The following GUCY1A2 variants were observed in gnomAD, a reference collection of about 807,000 sequenced individuals.
GUCY1A2 encodes guanylate cyclase soluble subunit alpha-2.
In GUCY1A2, 27 loss-of-function variants were observed where a neutral mutation model predicts 63.5. The observed-to-expected ratio is 0.43, with a 90% CI of 0.31 to 0.59. The LOEUF is 0.59. Among genes scored for constraint, GUCY1A2 ranks in the 20% least tolerant of loss-of-function variants. The pLI, the probability that GUCY1A2 is intolerant of heterozygous loss-of-function variation, is 0.11. For missense variants in GUCY1A2, 768 were observed against 913.3 expected, an observed-to-expected ratio of 0.84 and a Z score of 2.05; for synonymous variants, 364 against 343.5, an observed-to-expected ratio of 1.06 and a Z score of -0.66.
intron 1 of GUCY1A2, among the ~76,000 whole-genome samples, chr11:107,000,544 T>G (rs946779243): frequency 6.6e-6 from 1 of 152,188 alleles, no homozygotes; most frequent in Admixed American, 6.5e-5. Context: ...TAAGGGTAAT[T>G]ATACCTACTC....
chr11:106,984,455 G>T (rs1262006076), intron 2 of GUCY1A2, among the ~76,000 whole-genome samples: 2 of 152,126 alleles, frequency 1.3e-5, no homozygotes, highest in Non-Finnish European at 2.9e-5. Context: ...TATCAATGGA[G>T]AAAAAACTTT....
intron 7 of GUCY1A2, among the ~76,000 whole-genome samples, chr11:106,699,364 T>C (rs1342934083): frequency 6.6e-6 from 1 of 152,224 alleles, no homozygotes; most frequent in African/African-American, 2.4e-5. Flanking sequence ...TTATAGTATT[T>C]TAGATAATGT....
chr11:106,910,202 G>A (rs546376997), intron 4 of GUCY1A2, among the ~76,000 whole-genome samples: 11 of 151,898 alleles, frequency 7.2e-5, no homozygotes, highest in East Asian at 3.9e-4. Flanking sequence ...ATGTTTTCAC[G>A]TACATCTGTG....
chr11:106,851,028 G>T (rs1390386612), intron 4 of GUCY1A2, among the ~76,000 whole-genome samples: 1 of 151,696 alleles, frequency 6.6e-6, no homozygotes, highest in Non-Finnish European at 1.5e-5. Context: ...TTTGATAATA[G>T]CCATTCTAAC....
At chr11:106,964,798 T>C (rs1591346466) in intron 3 of GUCY1A2, among the ~76,000 whole-genome samples, 1 of 151,934 alleles carries the variant, frequency 6.6e-6, no homozygotes, top group South Asian at 2.1e-4. Flanking sequence ...GCTAACGCGG[T>C]GAAACCCCAT....
chr11:106,968,277 G>A (rs1461793348), intron 3 of GUCY1A2, among the ~76,000 whole-genome samples: 2 of 152,028 alleles, frequency 1.3e-5, no homozygotes, highest in East Asian at 1.9e-4. Context: ...AATGTCTCTC[G>A]ATGATCCTAC....
At chr11:106,723,003 T>A (rs979129253) in intron 6 of GUCY1A2, among the ~76,000 whole-genome samples, 4 of 152,222 alleles carry the variant, frequency 2.6e-5, no homozygotes, top group African/African-American at 7.2e-5. Flanking sequence ...TATGTTTATA[T>A]ATGTGTAATT....
chr11:106,952,939 C>G (rs1003792648), intron 3 of GUCY1A2, among the ~76,000 whole-genome samples: 1 of 151,944 alleles, frequency 6.6e-6, no homozygotes, highest in East Asian at 1.9e-4. Flanking sequence ...CGCACCCAGC[C>G]AGGGTTTTCT....
At chr11:106,703,621 A>G (rs1324744187) in intron 7 of GUCY1A2, among the ~76,000 whole-genome samples, 1 of 152,184 alleles carries the variant, frequency 6.6e-6, no homozygotes, top group Non-Finnish European at 1.5e-5. Context: ...TCAGCAAAGA[A>G]TGAAGGCCTC....
intron 4 of GUCY1A2, among the ~76,000 whole-genome samples, chr11:106,838,309 C>T (rs7944559): frequency 0.27 from 41,071 of 151,724 alleles, 5,798 homozygotes; most frequent in Admixed American, 0.35. Context: ...AAAAATAGGT[C>T]TAGCATGGGA....
At chr11:106,862,816 T>A (rs756642778) in intron 4 of GUCY1A2, among the ~76,000 whole-genome samples, 5 of 152,110 alleles carry the variant, frequency 3.3e-5, no homozygotes, top group Non-Finnish European at 5.9e-5. Flanking sequence ...GATTTTCAGA[T>A]ACATTAGGAC....
At chr11:106,728,223 A>G (rs1309412634) in intron 6 of GUCY1A2, among the ~76,000 whole-genome samples, 1 of 152,098 alleles carries the variant, frequency 6.6e-6, no homozygotes, top group Non-Finnish European at 1.5e-5. Context: ...ACAATTTCCT[A>G]TTCGATCTGT....
intron 6 of GUCY1A2, among the ~76,000 whole-genome samples, chr11:106,732,433 C>G (rs1863521425): frequency 6.6e-6 from 1 of 151,984 alleles, no homozygotes; most frequent in East Asian, 1.9e-4. Context: ...ATAAAGTTAG[C>G]TTCATAAGAC....
At chr11:106,934,703 T>C (rs1215837582) in intron 4 of GUCY1A2, among the ~76,000 whole-genome samples, 2 of 152,214 alleles carry the variant, frequency 1.3e-5, no homozygotes, top group Non-Finnish European at 2.9e-5. Flanking sequence ...GTTTTTGTTA[T>C]GCTTTTCCTC....
At chr11:106,885,219 T>C (rs1297355500) in intron 4 of GUCY1A2, among the ~76,000 whole-genome samples, 1 of 152,140 alleles carries the variant, frequency 6.6e-6, no homozygotes, top group Non-Finnish European at 1.5e-5. Flanking sequence ...AAAAAGATAG[T>C]GGGATTCTCT....
intron 4 of GUCY1A2, chr11:106,827,186 G>T: frequency 6.6e-7 from 1 of 1,507,616 alleles, no homozygotes; most frequent in Non-Finnish European, 9.2e-7. Context: ...TGCCAATCTG[G>T]TCCCAACGCA....
chr11:106,851,201 T>C (rs1414282918), intron 4 of GUCY1A2, among the ~76,000 whole-genome samples: 1 of 151,814 alleles, frequency 6.6e-6, no homozygotes, highest in Non-Finnish European at 1.5e-5. Flanking sequence ...TTTGTTTTGT[T>C]TTGTTTTTTG....
chr11:106,983,077 G>C (rs1282199254), intron 2 of GUCY1A2, among the ~76,000 whole-genome samples: 2 of 152,146 alleles, frequency 1.3e-5, no homozygotes, highest in African/African-American at 2.4e-5. Flanking sequence ...ATTAACATTT[G>C]AGAACCATTG....
intron 4 of GUCY1A2, chr11:106,827,928 G>A (rs1224506077): frequency 9.7e-6 from 12 of 1,241,250 alleles, no homozygotes; most frequent in African/African-American, 5.9e-5. Flanking sequence ...ATATCGCGGC[G>A]GAACAGCGAG....
Sources: allele counts gnomAD v4.1 joint callset (sites outside exome capture counted in the v4.1 genomes callset), GRCh38; gene constraint gnomAD v4.1.1; transcripts MANE v1.5; gene names NCBI Gene and HGNC (gene_info 2026-07-23, HGNC 2026-07-21).